The following NEBL variants were observed in gnomAD, a reference collection of about 807,000 sequenced individuals.
NEBL encodes nebulette.
In NEBL, 122 loss-of-function variants were observed where a neutral mutation model predicts 140.2. That is an observed-to-expected ratio of 0.87 (90% CI 0.75 to 1.01). NEBL has a LOEUF of 1.01. NEBL is among the 50% of genes least tolerant of loss of function. NEBL has a pLI of 0.00. For missense variants in NEBL, 1,365 were observed against 1,231.3 expected, an observed-to-expected ratio of 1.11 and a Z score of -1.62; for synonymous variants, 436 against 398.9, an observed-to-expected ratio of 1.09 and a Z score of -1.11.
At chr10:20,822,361 AG>A (rs1378064166) in intron 19 of NEBL, among the ~76,000 whole-genome samples, 1 of 151,830 alleles carries the variant, frequency 6.6e-6, no homozygotes, top group Non-Finnish European at 1.5e-5. Flanking sequence ...ATCTATCTAT[AG>A]GTCTATCTAT....
intron 3 of NEBL, among the ~76,000 whole-genome samples, chr10:20,977,675 GA>G (rs910438061): frequency 1.3e-5 from 2 of 151,826 alleles, no homozygotes; most frequent in African/African-American, 4.8e-5. Context: ...GCACTGGGGT[GA>G]AAAAAAACTG....
At chr10:21,026,934 C>T (rs556307937) in intron 2 of NEBL, among the ~76,000 whole-genome samples, 10 of 152,292 alleles carry the variant, frequency 6.6e-5, no homozygotes, top group African/African-American at 2.2e-4. Context: ...CCCACTCCCC[C>T]TCTTGGCCAC....
Position 20,812,899 on chromosome 10 carries a change from G to A in NEBL, c.2388C>T (p.Gly796=), listed in dbSNP as rs1588664880. ...HEDFEKTKGR[G]FTPVVDDPVT... The stretch of plus-strand genomic sequence containing the variant: ...CAGGATCGTCCACGACGGGAGTAAA[G>A]CCTCTCCCCTTTGTTTTTTCAAAAT... The change falls in exon 24 of 28, where the codon GGC becomes GGT. Residue 796 remains glycine, a synonymous_variant. Coordinates refer to ENST00000377122, the MANE Select transcript of NEBL (RefSeq NM_006393.3). 1 of 1,613,894 alleles carries A rather than the reference G, an allele frequency of 6.2e-7. No individual in the cohort carries two copies. Among genetic ancestry groups the A allele is most frequent in the Non-Finnish European group, 8.5e-7 (1 of 1,179,888 alleles).
intron 2 of NEBL, among the ~76,000 whole-genome samples, chr10:21,065,698 C>T (rs1048444577): frequency 3.9e-5 from 6 of 152,196 alleles, no homozygotes; most frequent in Admixed American, 3.3e-4. Flanking sequence ...ATTGCCCCTT[C>T]GGCAGCTGCC....
chr10:21,184,044 C>G lies in NEBL; in HGVS notation n.349-11567G>C, dbSNP rs138048358. Among the ~76,000 whole-genome samples the G allele has an allele frequency of 1.7e-3, 254 of 152,270 alleles. 2 individuals carry two copies. The highest frequency in any genetic ancestry group is 5.5e-3 in the African/African-American group (228 of 41,564). The stretch of plus-strand genomic sequence containing the variant: ...CTTGGAACTGTGAAGTCCGTTAAAC[C>G]TCTTTCTTTTGAAAATTTCCCAGTC... On this transcript the variant is annotated intron_variant and non_coding_transcript_variant, in intron 3 of 8. Transcript: ENST00000675702.
At chr10:21,007,701 C>A (rs1175389588) in intron 3 of NEBL, among the ~76,000 whole-genome samples, 1 of 152,094 alleles carries the variant, frequency 6.6e-6, no homozygotes, top group Non-Finnish European at 1.5e-5. Flanking sequence ...ACATAAAAAA[C>A]CTTAAATTAA....
intron 26 of NEBL, 138 bp downstream of exon 26, chr10:20,808,372 C>T: frequency 2.4e-6 from 2 of 841,740 alleles, no homozygotes; most frequent in Non-Finnish European, 3.6e-6. Context: ...AGACTATTAA[C>T]TTTCTGAACT....
At chr10:20,901,888 T>C (rs1016782291), upstream of NEBL, among the ~76,000 whole-genome samples, 27 of 152,330 alleles carry the variant, frequency 1.8e-4, no homozygotes, top group African/African-American at 6.3e-4. Flanking sequence ...GCAAGATAAA[T>C]CATTTCTTGA....
intron 3 of NEBL, among the ~76,000 whole-genome samples, chr10:21,200,124 C>G (rs116984966): frequency 6.6e-6 from 1 of 151,986 alleles, no homozygotes; most frequent in African/African-American, 2.4e-5. Context: ...TCTGCCCCAG[C>G]CCAACCCTGC....
intron 3 of NEBL, among the ~76,000 whole-genome samples, chr10:20,971,238 C>CTA (rs1464928535): frequency 1.3e-5 from 2 of 152,106 alleles, no homozygotes; most frequent in African/African-American, 4.8e-5. Flanking sequence ...AATATTATAT[C>CTA]TATATTAATA....
intron 5 of NEBL, among the ~76,000 whole-genome samples, chr10:20,873,654 T>A (rs750857134): frequency 2.0e-5 from 3 of 152,210 alleles, no homozygotes; most frequent in African/African-American, 4.8e-5. Flanking sequence ...TTTCAAGGTA[T>A]GACGGTATGA....
At chr10:20,882,923 G>C (rs1846151387) in intron 4 of NEBL, among the ~76,000 whole-genome samples, 1 of 152,060 alleles carries the variant, frequency 6.6e-6, no homozygotes, top group Non-Finnish European at 1.5e-5. Flanking sequence ...CCCCCTAGCT[G>C]CGTCTATGTG....
intron 4 of NEBL, among the ~76,000 whole-genome samples, chr10:20,911,223 A>G (rs1848319996): frequency 6.6e-6 from 1 of 152,186 alleles, no homozygotes; most frequent in Admixed American, 6.5e-5. Flanking sequence ...TAAGTCCTTT[A>G]CACATCTTAT....
In NEBL at chr10:21,028,246, A is replaced by AG. The variant is rs1236230440; in HGVS notation, c.165-8046_165-8045insC. Among the ~76,000 whole-genome samples the AG allele has an allele frequency of 1.3e-4, 20 of 149,040 alleles. No individual in the cohort carries two copies. In the East Asian group the frequency reaches 3.1e-3, roughly 23 times the overall value. ...CATCTCAAACATCTCAAAAAAAAAA[A>AG]AAAAAAAAAAGAAGAAGAAGAAGAA... On this transcript the variant is annotated intron_variant, in intron 2 of 6. Transcript: ENST00000417816.
At chr10:21,015,098 T>G (rs1244681515) in intron 3 of NEBL, among the ~76,000 whole-genome samples, 1 of 152,210 alleles carries the variant, frequency 6.6e-6, no homozygotes, top group African/African-American at 2.4e-5. Flanking sequence ...TGATTGCAAA[T>G]AGCTAAGCCA....
intron 2 of NEBL, among the ~76,000 whole-genome samples, chr10:21,046,084 A>G (rs989449221): frequency 6.6e-6 from 1 of 152,232 alleles, no homozygotes; most frequent in African/African-American, 2.4e-5. Context: ...CATTTGTGAC[A>G]ACATGGATAA....
intron 2 of NEBL, chr10:21,028,953 G>A (rs1335013523): frequency 1.8e-6 from 1 of 542,982 alleles, no homozygotes; most frequent in East Asian, 3.0e-5. Context: ...ACTAATATGA[G>A]ACAAAATGCT....
chr10:20,994,396 T>C (rs552825623), intron 3 of NEBL, among the ~76,000 whole-genome samples: 3 of 152,312 alleles, frequency 2.0e-5, no homozygotes, highest in Admixed American at 6.5e-5. Context: ...AAAAGAGTAA[T>C]TGCGTCTATA....
intron 4 of NEBL, among the ~76,000 whole-genome samples, chr10:20,935,979 C>G (rs1834462023): frequency 6.6e-6 from 1 of 152,050 alleles, no homozygotes; most frequent in Non-Finnish European, 1.5e-5. Flanking sequence ...AATAACGTGC[C>G]TTCTAAAAAA....
Sources: gnomAD v4.1 joint callset for allele counts (sites outside exome capture counted in the v4.1 genomes callset) on GRCh38, gnomAD v4.1.1 for gene constraint, MANE v1.5 for transcripts, NCBI Gene and HGNC (gene_info 2026-07-23, HGNC 2026-07-21) for gene names.